Variants in ANTXR2 observed in about 807,000 individuals in gnomAD.
ANTXR2 encodes the protein anthrax toxin receptor 2.
A neutral mutation model predicts 73.7 loss-of-function variants in ANTXR2; 44 were observed. That is an observed-to-expected ratio of 0.60 (90% CI 0.47 to 0.77). The LOEUF is 0.77. Ranked by LOEUF, ANTXR2 falls within the 30% of genes least tolerant of loss-of-function variation. ANTXR2 has a pLI of 0.00. For synonymous variants in ANTXR2, 217 were observed against 205.9 expected (o/e 1.05, Z -0.46); for missense variants, 604 against 592.5 (o/e 1.02, Z -0.20).
chr4:80,040,878 T>TA (rs1206224238), intron 7 of ANTXR2, among the ~76,000 whole-genome samples: 4 of 151,902 alleles, frequency 2.6e-5, no homozygotes, highest in African/African-American at 9.7e-5. Context: ...TATTTACAAA[T>TA]AAAAAAATTA....
At chr4:79,924,015 G>A (rs1010919705) in intron 16 of ANTXR2, among the ~76,000 whole-genome samples, 3 of 152,040 alleles carry the variant, frequency 2.0e-5, no homozygotes, top group African/African-American at 7.2e-5. Context: ...TGTAGATTTG[G>A]GGAGTACATG....
In ANTXR2 at chr4:80,028,740, C is replaced by T. The variant is rs1032629168; in HGVS notation, c.866+2883G>A. Reference sequence around the variant, plus strand: ...CTTAGCCAAAAGCTAATTAGGCAAACATATTAAGCATCAGTCACCTTACAA... The same window carrying T: ...CTTAGCCAAAAGCTAATTAGGCAAATATATTAAGCATCAGTCACCTTACAA... On this transcript the variant is annotated intron_variant, in intron 10 of 16. Coordinates refer to ENST00000403729, the MANE Select transcript of ANTXR2 (RefSeq NM_058172.6). 4.6e-5 allele frequency among the ~76,000 whole-genome samples: 7 copies of T among 152,268 alleles called. No individual in the cohort carries two copies. The East Asian group carries it at 1.2e-3, about 25-fold the overall frequency.
At position 80,065,854 on chromosome 4, in the gene ANTXR2, C is replaced by A. The variant is rs558910237; in HGVS notation, c.296+3582G>T. Among the ~76,000 whole-genome samples the A allele has an allele frequency of 1.4e-4, 21 of 152,306 alleles. No homozygotes were observed. In the South Asian group the frequency reaches 4.1e-3, roughly 30 times the overall value. ...AAATTGTGAAACCTGCAGTGCTTAA[C>A]CTTTGGTTTTCTTTGCTTAACCTTT... is the stretch of plus-strand genomic sequence containing the variant. On this transcript the variant is annotated intron_variant, in intron 3 of 16. Coordinates refer to ENST00000403729, the MANE Select transcript of ANTXR2 (RefSeq NM_058172.6).
intron 16 of ANTXR2, among the ~76,000 whole-genome samples, chr4:79,947,659 G>T (rs1335132802): frequency 6.6e-6 from 1 of 152,014 alleles, no homozygotes; most frequent in Non-Finnish European, 1.5e-5. Context: ...CATCTCTCTT[G>T]CCTTTCCCCT....
intron 16 of ANTXR2, among the ~76,000 whole-genome samples, chr4:79,935,951 G>A (rs1273814394): frequency 6.6e-6 from 1 of 152,102 alleles, no homozygotes; most frequent in East Asian, 1.9e-4. Flanking sequence ...AAATGACTCC[G>A]CTCCCAGTGG....
chr4:80,063,158 T>G (rs1315449991), intron 3 of ANTXR2, among the ~76,000 whole-genome samples: 1 of 152,220 alleles, frequency 6.6e-6, no homozygotes, highest in Non-Finnish European at 1.5e-5. Context: ...TCACACATTA[T>G]ACTTTTCTCA....
chr4:79,960,500 A>G (rs1424360582), intron 16 of ANTXR2, among the ~76,000 whole-genome samples: 3 of 152,048 alleles, frequency 2.0e-5, no homozygotes, highest in Non-Finnish European at 4.4e-5. Context: ...TCCCAACTTT[A>G]TAAGTTTTTT....
chr4:79,936,506 A>C (rs1728266503), intron 16 of ANTXR2, among the ~76,000 whole-genome samples: 1 of 149,952 alleles, frequency 6.7e-6, no homozygotes, highest in Non-Finnish European at 1.5e-5. Flanking sequence ...ACATTTTTCT[A>C]ATTCTCCAAA....
chr4:80,066,771 AAAG>A (rs1479505489), intron 3 of ANTXR2, among the ~76,000 whole-genome samples: 1 of 152,216 alleles, frequency 6.6e-6, no homozygotes, highest in African/African-American at 2.4e-5. Flanking sequence ...ATAGATGAAA[AAAG>A]AAGAAGCATA....
At chr4:80,008,027 C>A (rs1424885596) in intron 12 of ANTXR2, among the ~76,000 whole-genome samples, 2 of 152,132 alleles carry the variant, frequency 1.3e-5, no homozygotes, top group Admixed American at 6.5e-5. Flanking sequence ...CGTCATTACT[C>A]CAAAAGTAGC....
intron 16 of ANTXR2, among the ~76,000 whole-genome samples, chr4:79,975,475 T>C (rs1421475162): frequency 6.6e-6 from 1 of 152,216 alleles, no homozygotes; most frequent in Non-Finnish European, 1.5e-5. Flanking sequence ...ATAAACTAAA[T>C]TACAATCATG....
chr4:79,985,945 G>A (rs770120633), intron 12 of ANTXR2, among the ~76,000 whole-genome samples: 9 of 149,424 alleles, frequency 6.0e-5, no homozygotes, highest in Admixed American at 1.4e-4. Flanking sequence ...GGGTTCAAGC[G>A]ATTCTCCTAT....
chr4:79,936,001 A>G (rs1366641900), intron 16 of ANTXR2, among the ~76,000 whole-genome samples: 1 of 152,246 alleles, frequency 6.6e-6, no homozygotes, highest in Non-Finnish European at 1.5e-5. Flanking sequence ...TTCCAACAAA[A>G]GAGCACCTTA....
intron 12 of ANTXR2, among the ~76,000 whole-genome samples, chr4:80,000,429 C>T (rs893417427): frequency 5.9e-5 from 9 of 151,980 alleles, no homozygotes; most frequent in African/African-American, 2.2e-4. Context: ...TATCAATTTT[C>T]TCAATTTTAA....
At chr4:79,916,335 T>G (rs1263175515) in intron 16 of ANTXR2, among the ~76,000 whole-genome samples, 1 of 152,096 alleles carries the variant, frequency 6.6e-6, no homozygotes, top group Non-Finnish European at 1.5e-5. Context: ...AAATACCTTC[T>G]TTTGTGCTTC....
chr4:80,053,238 A>C (rs12646132), intron 7 of ANTXR2, among the ~76,000 whole-genome samples: 1 of 151,500 alleles, frequency 6.6e-6, no homozygotes, highest in African/African-American at 2.4e-5. Flanking sequence ...CACTGCAACT[A>C]TTCCCTAAAA....
chr4:79,953,611 T>C (rs1728784895), intron 16 of ANTXR2, among the ~76,000 whole-genome samples: 2 of 152,126 alleles, frequency 1.3e-5, no homozygotes, highest in South Asian at 2.1e-4. Context: ...TTTGCTTTGA[T>C]TTTACAGGTT....
At chr4:79,979,069 T>C (rs1729770974) in intron 14 of ANTXR2, among the ~76,000 whole-genome samples, 1 of 152,132 alleles carries the variant, frequency 6.6e-6, no homozygotes, top group Non-Finnish European at 1.5e-5. Context: ...TTCCACAAAT[T>C]ATAGCAAATT....
intron 10 of ANTXR2, among the ~76,000 whole-genome samples, chr4:80,029,921 T>C (rs7689594): frequency 0.1 from 15,865 of 151,726 alleles, 1,907 homozygotes; most frequent in East Asian, 0.66. Flanking sequence ...CCAGACCCTG[T>C]AGAACCTGGT....
Sources: allele counts gnomAD v4.1 joint callset (sites outside exome capture counted in the v4.1 genomes callset), GRCh38; gene constraint gnomAD v4.1.1; transcripts MANE v1.5; gene names NCBI Gene and HGNC (gene_info 2026-07-23, HGNC 2026-07-21).